Variants in MGAT4D observed in about 807,000 individuals in gnomAD.
MGAT4D encodes MGAT4 family member D.
Under a neutral mutation model 15.9 loss-of-function variants are expected in MGAT4D, and 34 were observed. The ratio of observed to expected loss-of-function variants is 2.14; its 90% CI spans 1.62 to 2.84. The LOEUF is 2.84. Among genes scored for constraint, MGAT4D ranks in the 30% most tolerant of loss-of-function variants. The pLI is 0.00. For missense variants in MGAT4D, 327 were observed against 140.2 expected (o/e 2.33, Z -6.73); for synonymous variants, 112 against 48.2 (o/e 2.33, Z -5.49).
At chr4:140,496,055 A>C (rs993498042) in intron 1 of MGAT4D, among the ~76,000 whole-genome samples, 1 of 152,180 alleles carries the variant, frequency 6.6e-6, no homozygotes, top group African/African-American at 2.4e-5. Flanking sequence ...GTTAATTTTA[A>C]AGAGGGAGAA....
In MGAT4D at chr4:140,461,920, A is replaced by ACACAC; in HGVS notation, c.762+8_762+9insGTGTG. 1 of 652,618 alleles carries ACACAC rather than the reference A, an allele frequency of 1.5e-6. No individual in the cohort carries two copies. Among genetic ancestry groups the ACACAC allele is most frequent in the Non-Finnish European group, 2.8e-6 (1 of 360,286 alleles). 40.4% of individuals were successfully genotyped at this position (652,618 alleles called of 1,614,324 possible). Reference sequence around the variant, plus strand: ...ACACACACACACACACACACACACAATTTCTGACCTGTAAATAATACTTGG... The same window carrying ACACAC: ...ACACACACACACACACACACACACAACACACTTTCTGACCTGTAAATAATACTTGG... On this transcript the variant is annotated intron_variant, in intron 7 of 10. Transcript: ENST00000511113.
chr4:140,449,458 C>T (rs898587397), intron 10 of MGAT4D, among the ~76,000 whole-genome samples: 3 of 152,088 alleles, frequency 2.0e-5, no homozygotes, highest in Non-Finnish European at 4.4e-5. Flanking sequence ...ATTTATCTTA[C>T]ATTTAAAAAA....
At chr4:140,476,235 G>A (rs919256609) in intron 3 of MGAT4D, among the ~76,000 whole-genome samples, 4 of 151,992 alleles carry the variant, frequency 2.6e-5, no homozygotes, top group Non-Finnish European at 5.9e-5. Flanking sequence ...TTCTGAATAC[G>A]AACCCCTTGT....
chr4:140,486,572 A>G (rs1733149403), intron 1 of MGAT4D, among the ~76,000 whole-genome samples: 1 of 151,980 alleles, frequency 6.6e-6, no homozygotes, highest in Non-Finnish European at 1.5e-5. Context: ...ATAACTTATC[A>G]CCACCACTTC....
chr4:140,485,702 T>C (rs1172845072), intron 1 of MGAT4D, among the ~76,000 whole-genome samples: 1 of 149,724 alleles, frequency 6.7e-6, no homozygotes, highest in East Asian at 2.0e-4. Context: ...CCCAGCACTT[T>C]GGGAGGTCAA....
chr4:140,447,497 T>C (rs1049961209), intron 10 of MGAT4D, among the ~76,000 whole-genome samples: 10 of 152,204 alleles, frequency 6.6e-5, no homozygotes, highest in African/African-American at 2.4e-4. Context: ...TTACAGTCTG[T>C]TTGGTCTGAA....
chr4:140,462,738 G>A (rs565043280), intron 6 of MGAT4D: 13 of 152,284 alleles, frequency 8.5e-5, no homozygotes, highest in African/African-American at 2.9e-4. Flanking sequence ...CAAATTTGGG[G>A]CAATTTGAAC....
chr4:140,471,679 A>G (rs775361903), intron 5 of MGAT4D, 96 bp downstream of exon 5: 1 of 311,012 alleles, frequency 3.2e-6, no homozygotes, highest in Non-Finnish European at 5.9e-6. Flanking sequence ...TAAAAAGAAT[A>G]TGATCACTAA....
In MGAT4D at chr4:140,445,229, A is replaced by T. The variant is rs1390417268; in HGVS notation, c.1117-1785T>A. Among the ~76,000 whole-genome samples the T allele has an allele frequency of 1.4e-4, 21 of 152,048 alleles. 2 individuals are homozygous for T. Among genetic ancestry groups the T allele is most frequent in the Admixed American group, 1.4e-3 (21 of 15,266 alleles). On this transcript the variant is annotated intron_variant, in intron 10 of 10. Coordinates refer to ENST00000511113, the MANE Select transcript of MGAT4D (RefSeq NM_001277353.2). Reference sequence around the variant, plus strand: ...TGATAGCCATTCTGACTGGTGTGAGATGGTATCTCACTGTGGTTTGGGTTT... The same window carrying T: ...TGATAGCCATTCTGACTGGTGTGAGTTGGTATCTCACTGTGGTTTGGGTTT...
At chr4:140,446,616 A>G (rs1182487626) in intron 10 of MGAT4D, among the ~76,000 whole-genome samples, 1 of 151,850 alleles carries the variant, frequency 6.6e-6, no homozygotes, top group Non-Finnish European at 1.5e-5. Context: ...TTCTTTGAAG[A>G]ACCAACTCCT....
chr4:140,446,128 T>TTTG (rs1553948835), intron 10 of MGAT4D, among the ~76,000 whole-genome samples: 1 of 152,018 alleles, frequency 6.6e-6, no homozygotes, highest in African/African-American at 2.4e-5. Flanking sequence ...CTGAAGTTTT[T>TTTG]TTGTTGTTGT....
Position 140,451,464 on chromosome 4 carries a change from A to G in MGAT4D, c.1062T>C (p.Leu354=). ...KQIRIQYKPS[L]FQHVGIHSSF... Reference sequence around the variant, plus strand: ...ATGAATGTATACCCACATGCTGGAAAAGAGAAGGTTTATACTGAATACGTA... The same window carrying G: ...ATGAATGTATACCCACATGCTGGAAGAGAGAAGGTTTATACTGAATACGTA... The change falls in exon 10 of 11, where the codon CTT becomes CTC. Residue 354 remains leucine, a synonymous_variant. Coordinates refer to ENST00000511113, the MANE Select transcript of MGAT4D (RefSeq NM_001277353.2). 3.2e-6 allele frequency: 2 copies of G among 632,354 alleles called. No homozygotes were observed. Among genetic ancestry groups the G allele is most frequent in the South Asian group, 3.7e-5 (2 of 53,522 alleles). 39.2% of individuals were successfully genotyped at this position (632,354 alleles called of 1,614,324 possible). A position where few individuals can be genotyped will look rare whatever the true frequency, so the allele number is the denominator to read the frequency against.
chr4:140,483,856 C>A (rs1732910466), intron 1 of MGAT4D, among the ~76,000 whole-genome samples: 1 of 151,420 alleles, frequency 6.6e-6, no homozygotes, highest in Non-Finnish European at 1.5e-5. Flanking sequence ...CATAAAAAAT[C>A]AACTAAAAAT....
At chr4:140,461,878 T>TAC (rs1491578950) in intron 7 of MGAT4D, 51 bp downstream of exon 7, 25 of 516,034 alleles carry the variant, frequency 4.8e-5, no homozygotes, top group African/African-American at 7.4e-5. Flanking sequence ...ATAATTGGTG[T>TAC]ATACACACAC....
At chr4:140,493,469 G>A (rs1733639284) in intron 1 of MGAT4D, among the ~76,000 whole-genome samples, 1 of 151,508 alleles carries the variant, frequency 6.6e-6, no homozygotes, top group Admixed American at 6.6e-5. Context: ...CTAATTTTTT[G>A]TATTTTTAGT....
intron 3 of MGAT4D, among the ~76,000 whole-genome samples, chr4:140,477,644 A>T (rs1258819305): frequency 1.3e-5 from 2 of 152,230 alleles, no homozygotes; most frequent in Non-Finnish European, 2.9e-5. Flanking sequence ...TGGTTTCTGG[A>T]AAGGAGAGGC....
At chr4:140,467,094 A>G (rs1431345) in intron 5 of MGAT4D, among the ~76,000 whole-genome samples, 29,384 of 152,008 alleles carry the variant, frequency 0.19, 2,909 homozygotes, top group South Asian at 0.28. Context: ...TTAGTGGAAA[A>G]GTTTTTGGTC....
chr4:140,483,532 A>C (rs1732884705), intron 1 of MGAT4D, among the ~76,000 whole-genome samples: 1 of 152,198 alleles, frequency 6.6e-6, no homozygotes. Context: ...ATTCATATGA[A>C]ACCACAAAAG....
At chr4:140,493,358 C>T (rs938629849) in intron 1 of MGAT4D, among the ~76,000 whole-genome samples, 3 of 143,290 alleles carry the variant, frequency 2.1e-5, no homozygotes, top group Admixed American at 7.5e-5. Flanking sequence ...TGCAGTGGTG[C>T]GATCTCGGCT....
Sources: gnomAD v4.1 joint callset for allele counts (sites outside exome capture counted in the v4.1 genomes callset) on GRCh38, gnomAD v4.1.1 for gene constraint, MANE v1.5 for transcripts, NCBI Gene and HGNC (gene_info 2026-07-23, HGNC 2026-07-21) for gene names.